Variants in KANK1 observed in about 807,000 individuals in gnomAD.
KANK1 encodes KN motif and ankyrin repeat domain-containing protein 1.
A neutral mutation model predicts 106.2 loss-of-function variants in KANK1; 109 were observed. The ratio of observed to expected loss-of-function variants is 1.03; its 90% CI spans 0.88 to 1.20. The LOEUF is 1.20. KANK1 is among the 50% of genes most tolerant of loss of function. The pLI is 0.00. For missense variants in KANK1, 2,399 were observed against 1,710.7 expected, an observed-to-expected ratio of 1.40 and a Z score of -7.10; for synonymous variants, 873 against 652.2, an observed-to-expected ratio of 1.34 and a Z score of -5.16.
At chr9:490,020 CT>C in intron 3 of KANK1, among the ~76,000 whole-genome samples, 1 of 152,122 alleles carries the variant, frequency 6.6e-6, no homozygotes, top group East Asian at 1.9e-4. Flanking sequence ...GCTTAACTGA[CT>C]TTTTTGACGT....
chr9:744,347 C>T (rs1016582972), intron 10 of KANK1, 144 bp from the exon 11 acceptor site: 9 of 887,890 alleles, frequency 1.0e-5, no homozygotes, highest in Admixed American at 2.9e-5. Context: ...TTAGAGGTCC[C>T]AAAAAAGTTT....
At position 742,347 on chromosome 9, in the gene KANK1, T is replaced by C; in HGVS notation, c.3839T>C (p.Val1280Ala). ...ALMCASEHGH[V>A]EIVKLLLAQP... Reference sequence around the variant, plus strand: ...ATGTGTGCCAGCGAGCACGGACACGTGGAGATTGTCAAGCTGCTGCTGGCC... The same window carrying C: ...ATGTGTGCCAGCGAGCACGGACACGCGGAGATTGTCAAGCTGCTGCTGGCC... The change falls in exon 10 of 12, where the codon GTG (valine) becomes GCG (alanine). Residue 1280 changes from valine (V) to alanine (A), a missense_variant. Transcript: ENST00000382297. 1 of 1,614,030 alleles carries C rather than the reference T, an allele frequency of 6.2e-7. No individual in the cohort carries two copies. The highest frequency in any genetic ancestry group is 8.5e-7 in the Non-Finnish European group (1 of 1,179,994).
chr9:681,491 A>G (rs1011330402), intron 2 of KANK1, among the ~76,000 whole-genome samples: 7 of 152,230 alleles, frequency 4.6e-5, no homozygotes, highest in African/African-American at 1.4e-4. Flanking sequence ...AACTTTAATT[A>G]GAGCTTAGAT....
At chr9:682,844 C>G (rs943898810) in intron 2 of KANK1, among the ~76,000 whole-genome samples, 1 of 152,128 alleles carries the variant, frequency 6.6e-6, no homozygotes, top group Non-Finnish European at 1.5e-5. Context: ...CTGATAAGAC[C>G]GGGTCAGCCA....
At chr9:684,045 A>C (rs751310460) in intron 2 of KANK1, 1 of 432,918 alleles carries the variant, frequency 2.3e-6, no homozygotes, top group Admixed American at 6.4e-5. Context: ...TGTGTGGTTA[A>C]TCAGAACCTC....
intron 1 of KANK1, among the ~76,000 whole-genome samples, chr9:580,176 C>G (rs1481710509): frequency 6.6e-6 from 1 of 151,732 alleles, no homozygotes; most frequent in Non-Finnish European, 1.5e-5. Context: ...AGTGTAACAG[C>G]TCTTAAGGCG....
intron 1 of KANK1, among the ~76,000 whole-genome samples, chr9:614,546 T>C (rs1831340684): frequency 1.3e-5 from 2 of 152,324 alleles, no homozygotes; most frequent in East Asian, 1.9e-4. Flanking sequence ...GCTGGTGTTA[T>C]GAGTAGGACA....
rs141272249 is a variant in KANK1, at chr9:582,576, A to G, written c.-84+77822A>G. Among the ~76,000 whole-genome samples, 26 of 152,264 alleles carry G rather than the reference A, an allele frequency of 1.7e-4. No individual in the cohort carries two copies. In the East Asian group the frequency reaches 2.5e-3, roughly 15 times the overall value. ...GATGATCAGCTACCTTCCTTTTGCCATTATTTCAGATGCTGCCTTGCCCAT... is the reference window on the plus strand; with the variant it reads ...GATGATCAGCTACCTTCCTTTTGCCGTTATTTCAGATGCTGCCTTGCCCAT... On this transcript the variant is annotated intron_variant, in intron 1 of 11. Transcript: ENST00000382297.
intron 1 of KANK1, among the ~76,000 whole-genome samples, chr9:603,710 C>G (rs900021403): frequency 6.6e-6 from 1 of 151,688 alleles, no homozygotes; most frequent in Non-Finnish European, 1.5e-5. Context: ...AATCCCAGGA[C>G]TTTGGGAGGT....
chr9:725,295 C>T (rs562725987), intron 3 of KANK1, among the ~76,000 whole-genome samples: 5 of 152,018 alleles, frequency 3.3e-5, no homozygotes, highest in Admixed American at 3.3e-4. Context: ...GAGTTTGAGG[C>T]CAGGCTAACC....
chr9:523,076 G>T (rs1223947750), intron 1 of KANK1, among the ~76,000 whole-genome samples: 1 of 151,532 alleles, frequency 6.6e-6, no homozygotes, highest in Non-Finnish European at 1.5e-5. Context: ...TTTAAGTGTG[G>T]TTGATATTCC....
intron 1 of KANK1, among the ~76,000 whole-genome samples, chr9:665,594 A>C (rs1262113367): frequency 6.6e-6 from 1 of 152,130 alleles, no homozygotes; most frequent in East Asian, 1.9e-4. Context: ...TTTTAAGTCA[A>C]GTAGTGTGAG....
At chr9:518,584 T>C (rs1365920366) in intron 1 of KANK1, among the ~76,000 whole-genome samples, 7 of 151,888 alleles carry the variant, frequency 4.6e-5, no homozygotes, top group Middle Eastern at 3.4e-3. Flanking sequence ...GAAAGAAATA[T>C]TGATATTGTC....
intron 1 of KANK1, among the ~76,000 whole-genome samples, chr9:668,296 G>A (rs1005681709): frequency 2.9e-4 from 44 of 152,170 alleles, no homozygotes; most frequent in Middle Eastern, 3.4e-3. Context: ...TAGATGATCT[G>A]TTCATTGGTG....
At chr9:601,441 G>C (rs895717711) in intron 1 of KANK1, among the ~76,000 whole-genome samples, 7 of 151,718 alleles carry the variant, frequency 4.6e-5, no homozygotes, top group African/African-American at 1.5e-4. Flanking sequence ...GTTATTTCTG[G>C]TTAGTTATTT....
At chr9:723,168 G>A (rs1487121550) in intron 3 of KANK1, among the ~76,000 whole-genome samples, 1 of 152,154 alleles carries the variant, frequency 6.6e-6, no homozygotes, top group Non-Finnish European at 1.5e-5. Context: ...GGACAGAGTG[G>A]AGGAGTAGCT....
chr9:613,861 G>C (rs1307698794), intron 1 of KANK1, among the ~76,000 whole-genome samples: 1 of 152,152 alleles, frequency 6.6e-6, no homozygotes, highest in Admixed American at 6.5e-5. Flanking sequence ...ATATGAGTGT[G>C]ACTGTCCTAA....
chr9:598,837 G>A (rs1216616022), intron 1 of KANK1, among the ~76,000 whole-genome samples: 1 of 148,632 alleles, frequency 6.7e-6, no homozygotes, highest in Non-Finnish European at 1.5e-5. Flanking sequence ...TTGACGTGTT[G>A]GCCAGACTGG....
chr9:501,083 A>G (rs549789060), upstream of KANK1, among the ~76,000 whole-genome samples: 93 of 152,058 alleles, frequency 6.1e-4, no homozygotes, highest in African/African-American at 2.0e-3. Flanking sequence ...AAAAAAGAAA[A>G]AAAAAACCAA....
Sources: allele counts gnomAD v4.1 joint callset (sites outside exome capture counted in the v4.1 genomes callset), GRCh38; gene constraint gnomAD v4.1.1; transcripts MANE v1.5; gene names NCBI Gene and HGNC (gene_info 2026-07-23, HGNC 2026-07-21).